The following PPARGC1B variants were observed in gnomAD, a reference collection of about 807,000 sequenced individuals.
The protein encoded by PPARGC1B is PPARG coactivator 1 beta.
PPARGC1B carries 34 observed loss-of-function variants against 101.6 expected under a neutral mutation model. The ratio of observed to expected loss-of-function variants is 0.33; its 90% confidence interval spans 0.25 to 0.45. PPARGC1B has a LOEUF of 0.45. Ranked by LOEUF, PPARGC1B falls within the 20% of genes least tolerant of loss-of-function variation. PPARGC1B has a pLI of 1.00. For missense variants in PPARGC1B, 1,234 were observed against 1,317.6 expected (o/e 0.94, Z 0.98); for synonymous variants, 548 against 539.3 (o/e 1.02, Z -0.22).
intron 1 of PPARGC1B, among the ~76,000 whole-genome samples, chr5:149,799,220 C>T (rs748417179): frequency 3.3e-5 from 5 of 152,200 alleles, no homozygotes; most frequent in South Asian, 2.1e-4. Flanking sequence ...AGGACCATGA[C>T]GAGGTTTGGT....
chr5:149,816,707 G>A (rs907838189), intron 1 of PPARGC1B, among the ~76,000 whole-genome samples: 3 of 152,204 alleles, frequency 2.0e-5, no homozygotes, highest in African/African-American at 4.8e-5. Context: ...ACTGGAGAGA[G>A]GGAGATCTGG....
intron 1 of PPARGC1B, chr5:149,740,257 C>G (rs1238446207): frequency 1.3e-5 from 2 of 152,178 alleles, no homozygotes; most frequent in Admixed American, 1.3e-4. Context: ...CTTTTTCTAT[C>G]TAGGAAATGG....
At chr5:149,835,688 A>T (rs1311799015) in intron 7 of PPARGC1B, among the ~76,000 whole-genome samples, 1 of 152,188 alleles carries the variant, frequency 6.6e-6, no homozygotes, top group Non-Finnish European at 1.5e-5. Flanking sequence ...TGAGAGGTAT[A>T]GTTGGGAGGG....
At chr5:149,834,798 C>T (rs1758975803) in intron 6 of PPARGC1B, 88 bp downstream of exon 6, 7 of 1,236,040 alleles carry the variant, frequency 5.7e-6, no homozygotes, top group Admixed American at 1.7e-5. Flanking sequence ...GATTCATCAG[C>T]GCCCACCCCT....
intron 1 of PPARGC1B, among the ~76,000 whole-genome samples, chr5:149,819,304 T>C (rs1581091860): frequency 2.6e-5 from 4 of 152,226 alleles, no homozygotes; most frequent in Non-Finnish European, 5.9e-5. Flanking sequence ...TTTGCATACA[T>C]GCTATCCTAC....
intron 1 of PPARGC1B, among the ~76,000 whole-genome samples, chr5:149,777,024 C>T (rs1351833015): frequency 6.6e-6 from 1 of 152,156 alleles, no homozygotes; most frequent in Non-Finnish European, 1.5e-5. Flanking sequence ...TTTCAGTTTG[C>T]AAGAAGGAGG....
chr5:149,731,890 C>T (rs1754490310), intron 1 of PPARGC1B, among the ~76,000 whole-genome samples: 1 of 152,068 alleles, frequency 6.6e-6, no homozygotes, highest in Admixed American at 6.5e-5. Context: ...GCCCCTGGCC[C>T]GCTGCAGACG....
At chr5:149,825,737 C>T (rs764462667) in intron 2 of PPARGC1B, among the ~76,000 whole-genome samples, 25 of 152,136 alleles carry the variant, frequency 1.6e-4, no homozygotes, top group African/African-American at 2.9e-4. Flanking sequence ...TTATCACCAG[C>T]GTCCAGCATG....
chr5:149,790,394 T>C (rs1370646727), intron 1 of PPARGC1B, among the ~76,000 whole-genome samples: 2 of 152,110 alleles, frequency 1.3e-5, no homozygotes, highest in Non-Finnish European at 2.9e-5. Flanking sequence ...CCCTGGGGTG[T>C]GCCTCCGCTC....
At chr5:149,811,544 A>C (rs986410316) in intron 1 of PPARGC1B, among the ~76,000 whole-genome samples, 3 of 152,150 alleles carry the variant, frequency 2.0e-5, no homozygotes. Flanking sequence ...ATAAACAACT[A>C]AGTCGGTGGG....
intron 1 of PPARGC1B, among the ~76,000 whole-genome samples, chr5:149,804,396 G>A (rs1336582478): frequency 2.0e-5 from 3 of 152,172 alleles, no homozygotes; most frequent in South Asian, 2.1e-4. Flanking sequence ...TGATGCGGCC[G>A]GGTGCGGTGG....
intron 9 of PPARGC1B, 90 bp downstream of exon 9, chr5:149,840,206 G>A: frequency 8.0e-7 from 1 of 1,253,112 alleles, no homozygotes; most frequent in South Asian, 1.5e-5. Context: ...TTTGAGGCTG[G>A]CTGGTGAGCC....
intron 1 of PPARGC1B, among the ~76,000 whole-genome samples, chr5:149,787,788 T>C (rs1756867510): frequency 6.6e-6 from 1 of 152,192 alleles, no homozygotes; most frequent in Non-Finnish European, 1.5e-5. Context: ...TAACTAAATG[T>C]AGAAATAACT....
In PPARGC1B at chr5:149,854,489, A is replaced by T. The variant is rs910663519; in HGVS notation, c.*6931A>T. 3.9e-5 allele frequency: 6 copies of T among 152,228 alleles called. No homozygotes were observed. Among genetic ancestry groups the T allele is most frequent in the Admixed American group, 3.3e-4 (5 of 15,288 alleles). 9.4% of individuals were successfully genotyped at this position (152,228 alleles called of 1,614,324 possible). A position where few individuals can be genotyped will look rare whatever the true frequency, so the allele number is the denominator to read the frequency against. On this transcript the variant is annotated 3_prime_UTR_variant, in exon 12 of 12. Coordinates refer to ENST00000309241, the MANE Select transcript of PPARGC1B (RefSeq NM_133263.4). ...ACACATCTGCTTTGTTATTTATAAT[A>T]GAAAGCTAAATTTTAATTTTTTAAA... is the stretch of plus-strand genomic sequence containing the variant.
intron 1 of PPARGC1B, among the ~76,000 whole-genome samples, chr5:149,780,842 C>CGGG (rs1312918090): frequency 5.3e-5 from 8 of 152,188 alleles, no homozygotes; most frequent in East Asian, 3.9e-4. Context: ...CACCTGCAAA[C>CGGG]ATTGGCACGG....
intron 1 of PPARGC1B, among the ~76,000 whole-genome samples, chr5:149,816,377 A>G (rs1758055149): frequency 6.6e-6 from 1 of 152,222 alleles, no homozygotes; most frequent in South Asian, 2.1e-4. Flanking sequence ...CCCCGAACAA[A>G]TCCATTATCC....
chr5:149,826,177 G>A (rs1215519533), intron 2 of PPARGC1B, among the ~76,000 whole-genome samples: 2 of 152,178 alleles, frequency 1.3e-5, no homozygotes, highest in African/African-American at 2.4e-5. Flanking sequence ...CTGGGAACCC[G>A]CAGAGAAATT....
intron 1 of PPARGC1B, among the ~76,000 whole-genome samples, chr5:149,750,241 A>T (rs953480155): frequency 6.6e-6 from 1 of 151,562 alleles, no homozygotes; most frequent in Non-Finnish European, 1.5e-5. Context: ...TGGATAAGTC[A>T]TTCATGGGGG....
Position 149,732,430 on chromosome 5 carries a change from G to T in PPARGC1B, c.78+2010G>T, listed in dbSNP as rs139480961. On this transcript the variant is annotated intron_variant, in intron 1 of 11. Transcript: ENST00000309241. The stretch of plus-strand genomic sequence containing the variant: ...TGGACTGTACCCCGGATTTTAACTC[G>T]ATCTTCAGTGTTTGGCTCAGCAATA... Among the ~76,000 whole-genome samples the T allele has an allele frequency of 1.5e-4, 23 of 152,322 alleles. 1 individual carries two copies. The East Asian group carries it at 4.2e-3, about 28-fold the overall frequency.
Sources: gnomAD v4.1 joint callset for allele counts (sites outside exome capture counted in the v4.1 genomes callset) on GRCh38, gnomAD v4.1.1 for gene constraint, MANE v1.5 for transcripts, NCBI Gene and HGNC (gene_info 2026-07-23, HGNC 2026-07-21) for gene names.